Variants in CCSER1 observed in about 807,000 individuals in gnomAD.
CCSER1 encodes the protein serine-rich coiled-coil domain-containing protein 1.
A neutral mutation model predicts 82.0 loss-of-function variants in CCSER1; 41 were observed. That is an observed-to-expected ratio of 0.50 (90% CI 0.39 to 0.65). The LOEUF (loss-of-function observed/expected upper bound fraction) is 0.65, where lower values mean the gene tolerates loss of function less well. Among genes scored for constraint, CCSER1 ranks in the 30% least tolerant of loss-of-function variants. The probability of loss-of-function intolerance (pLI) is 0.00; values close to 1 mark genes in which losing one functional copy is unlikely to be tolerated. For synonymous variants in CCSER1, 414 were observed against 383.9 expected (o/e 1.08, Z -0.92); for missense variants, 1,119 against 1,064.2 (o/e 1.05, Z -0.72).
chr4:91,048,304 T>C (rs1742692450), intron 9 of CCSER1, among the ~76,000 whole-genome samples: 1 of 151,966 alleles, frequency 6.6e-6, no homozygotes, highest in African/African-American at 2.4e-5. Context: ...AAAATATCAA[T>C]AACAACTAAA....
At chr4:91,078,027 C>A (rs189748548) in intron 9 of CCSER1, among the ~76,000 whole-genome samples, 2 of 152,166 alleles carry the variant, frequency 1.3e-5, no homozygotes, top group Non-Finnish European at 2.9e-5. Context: ...AGGGCATAGC[C>A]GAACAAAAGG....
intron 9 of CCSER1, among the ~76,000 whole-genome samples, chr4:90,940,234 A>G (rs1398047763): frequency 6.6e-6 from 1 of 152,022 alleles, no homozygotes; most frequent in Non-Finnish European, 1.5e-5. Flanking sequence ...CAATTTTATG[A>G]TTTCTTTTTA....
chr4:91,323,999 G>C (rs11730658), intron 10 of CCSER1, among the ~76,000 whole-genome samples: 1 of 152,102 alleles, frequency 6.6e-6, no homozygotes, highest in Non-Finnish European at 1.5e-5. Context: ...TCTGAAGAAA[G>C]GCATGCATTT....
intron 10 of CCSER1, among the ~76,000 whole-genome samples, chr4:91,459,163 A>G (rs1049973081): frequency 2.0e-5 from 3 of 152,070 alleles, no homozygotes; most frequent in African/African-American, 7.2e-5. Flanking sequence ...GAAATTCTAT[A>G]GTGAAAAAGA....
chr4:90,231,394 G>A (rs573387182), intron 1 of CCSER1, among the ~76,000 whole-genome samples: 10 of 151,192 alleles, frequency 6.6e-5, no homozygotes, highest in Non-Finnish European at 1.2e-4. Flanking sequence ...CAATAGATGC[G>A]GAAAAGGCCT....
At chr4:91,380,233 G>A (rs920082141) in intron 10 of CCSER1, among the ~76,000 whole-genome samples, 2 of 152,130 alleles carry the variant, frequency 1.3e-5, no homozygotes, top group Non-Finnish European at 2.9e-5. Context: ...GTTGATTTGG[G>A]GTGGAGAGTT....
At chr4:90,400,268 A>G in intron 4 of CCSER1, 139 bp downstream of exon 4, 1 of 402,408 alleles carries the variant, frequency 2.5e-6, no homozygotes, top group Non-Finnish European at 4.4e-6. Context: ...AGAACATGCT[A>G]GGTACCATGG....
chr4:90,691,961 G>A lies in CCSER1; in HGVS notation c.1933-31953G>A, dbSNP rs944921657. On this transcript the variant is annotated intron_variant, in intron 6 of 10. Transcript: ENST00000509176. ...TGACATGTTAATGTATGTTCTGGAA[G>A]AACACACCAAAAAATAACTAAATTA... Among the ~76,000 whole-genome samples the A allele has an allele frequency of 3.4e-5, 5 of 147,880 alleles. No individual in the cohort carries two copies. The Admixed American group carries it at 3.4e-4, about 10-fold the overall frequency.
At chr4:91,351,467 A>T (rs1223234013) in intron 10 of CCSER1, among the ~76,000 whole-genome samples, 1 of 152,030 alleles carries the variant, frequency 6.6e-6, no homozygotes, top group African/African-American at 2.4e-5. Context: ...TTTTGTTTAA[A>T]ATTATTTTCA....
chr4:90,913,876 A>C (rs966543854), intron 8 of CCSER1, among the ~76,000 whole-genome samples: 4 of 152,198 alleles, frequency 2.6e-5, no homozygotes, highest in Admixed American at 6.5e-5. Context: ...TTAAACCAAC[A>C]AAAATCAAAA....
chr4:90,669,676 T>G (rs1213016641), intron 6 of CCSER1, among the ~76,000 whole-genome samples: 1 of 152,118 alleles, frequency 6.6e-6, no homozygotes, highest in Non-Finnish European at 1.5e-5. Context: ...GACTAAAGGT[T>G]GGTGTGAATG....
At chr4:90,743,809 G>A (rs1419001219) in intron 7 of CCSER1, among the ~76,000 whole-genome samples, 2 of 152,178 alleles carry the variant, frequency 1.3e-5, no homozygotes, top group African/African-American at 4.8e-5. Flanking sequence ...ACCACACCAT[G>A]CTAAAGACTG....
At chr4:90,917,238 C>A (rs1727606061) in intron 8 of CCSER1, among the ~76,000 whole-genome samples, 1 of 152,162 alleles carries the variant, frequency 6.6e-6, no homozygotes, top group Non-Finnish European at 1.5e-5. Flanking sequence ...CGGCACTGTT[C>A]ACAGCAGCAA....
At chr4:90,765,893 C>A (rs1399794432) in intron 7 of CCSER1, among the ~76,000 whole-genome samples, 1 of 151,978 alleles carries the variant, frequency 6.6e-6, no homozygotes, top group African/African-American at 2.4e-5. Flanking sequence ...AGAAGGCTAT[C>A]CTGAGCAGAA....
At chr4:90,394,101 T>A (rs1051249077) in intron 3 of CCSER1, among the ~76,000 whole-genome samples, 1 of 151,680 alleles carries the variant, frequency 6.6e-6, no homozygotes, top group Non-Finnish European at 1.5e-5. Flanking sequence ...TCTTACTTTT[T>A]TTTTTTTTTT....
intron 10 of CCSER1, among the ~76,000 whole-genome samples, chr4:91,529,172 A>C (rs7685527): frequency 6.6e-6 from 1 of 151,938 alleles, no homozygotes; most frequent in Admixed American, 6.6e-5. Context: ...TTCAGATGTA[A>C]GAAGGAAAAT....
chr4:91,465,627 G>A (rs1314341680), intron 10 of CCSER1, among the ~76,000 whole-genome samples: 2 of 152,120 alleles, frequency 1.3e-5, no homozygotes, highest in African/African-American at 4.8e-5. Flanking sequence ...AAGGAGAAAA[G>A]AGAGAAGAAT....
rs143572517 is a variant in CCSER1 at position 91,122,695 on chromosome 4, C to T, written c.2217+36701C>T. On this transcript the variant is annotated intron_variant, in intron 10 of 10. Coordinates refer to ENST00000509176, the MANE Select transcript of CCSER1 (RefSeq NM_001145065.2). ...CAAAGATATACTAGCACATTGAACTCATTATGAAGAAGGTCAAAAACAAAG... is the reference window on the plus strand; with the variant it reads ...CAAAGATATACTAGCACATTGAACTTATTATGAAGAAGGTCAAAAACAAAG... Among the ~76,000 whole-genome samples, 799 of 151,676 alleles carry T rather than the reference C, an allele frequency of 5.3e-3. 3 individuals are homozygous for T. The highest frequency in any genetic ancestry group is 8.8e-3 in the Non-Finnish European group (595 of 67,680).
At chr4:90,196,512 A>G (rs952385345) in intron 1 of CCSER1, among the ~76,000 whole-genome samples, 2 of 151,934 alleles carry the variant, frequency 1.3e-5, no homozygotes, top group African/African-American at 4.8e-5. Flanking sequence ...TTGTTTCTTT[A>G]ATTTGGGCAA....
Sources: gnomAD v4.1 joint callset for allele counts (sites outside exome capture counted in the v4.1 genomes callset) on GRCh38, gnomAD v4.1.1 for gene constraint, MANE v1.5 for transcripts, NCBI Gene and HGNC (gene_info 2026-07-23, HGNC 2026-07-21) for gene names.